DENND10: variants seen among roughly 807,000 people sequenced by gnomAD.
The protein encoded by DENND10 is DENN domain-containing protein 10.
In DENND10, 24 loss-of-function variants were observed where a neutral mutation model predicts 43.6. The observed-to-expected ratio is 0.55, with a 90% CI of 0.40 to 0.77. The LOEUF is 0.77. DENND10 is among the 30% of genes least tolerant of loss of function. The pLI is 0.00. For missense variants in DENND10, 303 were observed against 429.9 expected, an observed-to-expected ratio of 0.70 and a Z score of 2.61; for synonymous variants, 125 against 157.6, an observed-to-expected ratio of 0.79 and a Z score of 1.55.
At chr10:119,126,127 C>T (rs1589739572) in intron 6 of DENND10, among the ~76,000 whole-genome samples, 1 of 152,148 alleles carries the variant, frequency 6.6e-6, no homozygotes, top group East Asian at 1.9e-4. Flanking sequence ...TTGCAAATGA[C>T]AGGATTTCAT....
chr10:119,108,242 T>C, intron 2 of DENND10, 78 bp downstream of exon 2: 1 of 1,038,322 alleles, frequency 9.6e-7, no homozygotes, highest in Non-Finnish European at 1.5e-6. Flanking sequence ...CCCAGCACTT[T>C]GGGAGGCTGA....
chr10:119,112,537 G>A (rs1269797508), intron 3 of DENND10, among the ~76,000 whole-genome samples: 2 of 138,006 alleles, frequency 1.4e-5, no homozygotes, highest in Non-Finnish European at 3.0e-5. Context: ...CTGTTGCTCA[G>A]ACTGGAGTGC....
chr10:119,122,514 C>CT (rs1214184425), intron 5 of DENND10, among the ~76,000 whole-genome samples: 1 of 152,108 alleles, frequency 6.6e-6, no homozygotes, highest in African/African-American at 2.4e-5. Context: ...AGAGACAGAA[C>CT]TTTCACCCTG....
At chr10:119,113,102 T>A (rs1212355587) in intron 3 of DENND10, among the ~76,000 whole-genome samples, 2 of 151,598 alleles carry the variant, frequency 1.3e-5, no homozygotes, top group Non-Finnish European at 2.9e-5. Flanking sequence ...CCGCCCGCCT[T>A]GGCCTCCCAA....
intron 2 of DENND10, 84 bp downstream of exon 2, chr10:119,108,248 G>A: frequency 1.1e-6 from 1 of 928,008 alleles, no homozygotes; most frequent in Non-Finnish European, 1.7e-6. Context: ...ACTTTGGGAG[G>A]CTGAGGTCGG....
chr10:119,116,297 A>G (rs1845271783), intron 3 of DENND10, among the ~76,000 whole-genome samples: 1 of 152,184 alleles, frequency 6.6e-6, no homozygotes, highest in Non-Finnish European at 1.5e-5. Flanking sequence ...TCTAATGTGC[A>G]TTTATCACCA....
chr10:119,135,791 TAAAAAAAAAAAA>T (rs367836571), intron 8 of DENND10, among the ~76,000 whole-genome samples: 7 of 64,020 alleles, frequency 1.1e-4, no homozygotes, highest in South Asian at 1.7e-3. Context: ...ACTAAAATTG[TAAAAAAAAAAAA>T]AAAAAAAAAA....
At chr10:119,118,775 A>G (rs1439798069) in intron 4 of DENND10, among the ~76,000 whole-genome samples, 1 of 151,610 alleles carries the variant, frequency 6.6e-6, no homozygotes, top group Non-Finnish European at 1.5e-5. Flanking sequence ...GGCTCAAGCA[A>G]TCCTTCCACC....
At position 119,119,255 on chromosome 10, in the gene DENND10, C is replaced by T. The variant is rs12763620; in HGVS notation, c.482-1086C>T. 7.8e-3 allele frequency among the ~76,000 whole-genome samples: 1,181 copies of T among 152,172 alleles called. 15 individuals carry two copies. Among genetic ancestry groups the T allele is most frequent in the African/African-American group, 0.027 (1,131 of 41,508 alleles). The stretch of plus-strand genomic sequence containing the variant: ...CTGACCTCAGGTGATCCGTCTGCCT[C>T]GGCCTCCCAAAGTGCTAGGATTCCA... On this transcript the variant is annotated intron_variant, in intron 4 of 8. Coordinates refer to ENST00000361432, the MANE Select transcript of DENND10 (RefSeq NM_207009.4).
At chr10:119,133,836 TAA>T (rs1846190127) in intron 8 of DENND10, 1 of 147,210 alleles carries the variant, frequency 6.8e-6, no homozygotes, top group African/African-American at 2.7e-5. Context: ...AACATTAGAG[TAA>T]AGACATATTC....
At chr10:119,123,608 T>C (rs2133502407) in intron 6 of DENND10, 39 bp downstream of exon 6, 1 of 979,970 alleles carries the variant, frequency 1.0e-6, no homozygotes, top group Admixed American at 3.0e-5. Context: ...TGTTTCACTT[T>C]TTTTTTTTTT....
chr10:119,124,508 T>A (rs1845739096), intron 6 of DENND10, among the ~76,000 whole-genome samples: 1 of 151,608 alleles, frequency 6.6e-6, no homozygotes, highest in South Asian at 2.1e-4. Flanking sequence ...GCCACTGCAC[T>A]CCAGCCAGGG....
intron 1 of DENND10, chr10:119,105,091 GA>G (rs984091454): frequency 3.3e-5 from 5 of 152,236 alleles, no homozygotes; most frequent in Non-Finnish European, 5.9e-5. Context: ...GTATTTAGGG[GA>G]TGGAACCCGT....
intron 2 of DENND10, among the ~76,000 whole-genome samples, chr10:119,109,128 A>G (rs892343378): frequency 6.7e-6 from 1 of 150,340 alleles, no homozygotes; most frequent in African/African-American, 2.4e-5. Context: ...CGGCAGGAGA[A>G]TCTCTTGAAC....
At chr10:119,112,307 C>A (rs1393781946) in intron 3 of DENND10, among the ~76,000 whole-genome samples, 1 of 152,078 alleles carries the variant, frequency 6.6e-6, no homozygotes, top group Non-Finnish European at 1.5e-5. Flanking sequence ...TGTGTACAGT[C>A]ATTTTGGGGA....
chr10:119,121,203 C>T (rs913292903), intron 5 of DENND10, among the ~76,000 whole-genome samples: 1 of 152,128 alleles, frequency 6.6e-6, no homozygotes, highest in Non-Finnish European at 1.5e-5. Context: ...GCCCTGTCCC[C>T]TCTAACAGCT....
intron 2 of DENND10, among the ~76,000 whole-genome samples, chr10:119,110,154 TGCTCAA>T (rs931095038): frequency 1.3e-5 from 2 of 152,058 alleles, no homozygotes; most frequent in African/African-American, 4.8e-5. Flanking sequence ...TTTGGTTTAT[TGCTCAA>T]TAAGTTCTTT....
In DENND10 at chr10:119,104,557, G is replaced by T. The variant is rs536251798; in HGVS notation, c.55+360G>T. ...CAGCTGCGAGGGGCGCTGCGCGGGC[G>T]GGGCCGGGCCGGGCGGGAGCAGCCG... On this transcript the variant is annotated intron_variant, in intron 1 of 8. Coordinates refer to ENST00000361432, the MANE Select transcript of DENND10 (RefSeq NM_207009.4). Among the ~76,000 whole-genome samples the T allele has an allele frequency of 2.7e-5, 4 of 147,126 alleles. No homozygotes were observed. In the South Asian group the frequency reaches 6.3e-4, roughly 23 times the overall value.
intron 6 of DENND10, among the ~76,000 whole-genome samples, chr10:119,124,020 C>T (rs1468443184): frequency 2.7e-5 from 4 of 150,098 alleles, no homozygotes; most frequent in Non-Finnish European, 5.9e-5. Flanking sequence ...GGAGAAACCC[C>T]GTCTCTACTA....
Sources: allele counts gnomAD v4.1 joint callset (sites outside exome capture counted in the v4.1 genomes callset), GRCh38; gene constraint gnomAD v4.1.1; transcripts MANE v1.5; gene names NCBI Gene and HGNC (gene_info 2026-07-23, HGNC 2026-07-21).